PCSK6: variants seen among roughly 807,000 people sequenced by gnomAD.
PCSK6 encodes paired basic amino acid cleaving enzyme 4.
In PCSK6, 85 loss-of-function variants were observed where a neutral mutation model predicts 123.3. The ratio of observed to expected loss-of-function variants is 0.69; its 90% CI spans 0.58 to 0.83. The LOEUF (loss-of-function observed/expected upper bound fraction) is 0.83, where lower values mean the gene tolerates loss of function less well. PCSK6 is among the 40% of genes least tolerant of loss of function. The pLI is 0.00. For missense variants in PCSK6, 1,191 were observed against 1,282.3 expected, an observed-to-expected ratio of 0.93 and a Z score of 1.09; for synonymous variants, 508 against 516.0, an observed-to-expected ratio of 0.98 and a Z score of 0.21.
At chr15:101,450,067 G>A (rs924798972) in intron 1 of PCSK6, among the ~76,000 whole-genome samples, 37 of 152,076 alleles carry the variant, frequency 2.4e-4, no homozygotes, top group Non-Finnish European at 2.2e-4. Context: ...CTCCTGAGGC[G>A]TTCCTTGTCT....
intron 1 of PCSK6, among the ~76,000 whole-genome samples, chr15:101,484,717 A>T (rs767748529): frequency 1.8e-4 from 28 of 152,218 alleles, no homozygotes; most frequent in Non-Finnish European, 3.1e-4. Context: ...TAACGTTTAC[A>T]TGAATATGAT....
At position 101,468,119 on chromosome 15, in the gene PCSK6, T is replaced by G. The variant is rs547127321; in HGVS notation, c.297+21255A>C. Among the ~76,000 whole-genome samples, 21 of 152,336 alleles carry G rather than the reference T, an allele frequency of 1.4e-4. 2 individuals are homozygous for G. The South Asian group carries it at 1.5e-3, about 11-fold the overall frequency. On this transcript the variant is annotated intron_variant, in intron 1 of 21. Coordinates refer to ENST00000611716, the MANE Select transcript of PCSK6 (RefSeq NM_002570.5). ...TGGTGTCAGCTCTGGCTCTGCCATTTCTAATTGGGTTAAGTCATCTGAATG... is the reference window on the plus strand; with the variant it reads ...TGGTGTCAGCTCTGGCTCTGCCATTGCTAATTGGGTTAAGTCATCTGAATG...
At chr15:101,405,891 C>T (rs1426428792) in intron 6 of PCSK6, among the ~76,000 whole-genome samples, 1 of 152,118 alleles carries the variant, frequency 6.6e-6, no homozygotes, top group African/African-American at 2.4e-5. Flanking sequence ...TACAGGCACA[C>T]ACCACCACGC....
rs147999794 is a variant in PCSK6, at chr15:101,387,875, A to G, written c.1310+1589T>C. Among the ~76,000 whole-genome samples the G allele has an allele frequency of 9.7e-4, 148 of 152,370 alleles. 1 individual carries two copies. The highest frequency in any genetic ancestry group is 3.4e-3 in the African/African-American group (140 of 41,598). On this transcript the variant is annotated intron_variant, in intron 9 of 21. Coordinates refer to ENST00000611716, the MANE Select transcript of PCSK6 (RefSeq NM_002570.5). The stretch of plus-strand genomic sequence containing the variant: ...AACACAGGTTTTCAAATTCCCAGAC[A>G]TCAACCGTTCCTTCCTTGACCAATC...
intron 1 of PCSK6, among the ~76,000 whole-genome samples, chr15:101,474,365 T>C (rs1044025171): frequency 2.0e-5 from 3 of 152,218 alleles, no homozygotes; most frequent in African/African-American, 7.2e-5. Context: ...CACAGGCCTC[T>C]GCTGTGACCC....
intron 13 of PCSK6, among the ~76,000 whole-genome samples, chr15:101,336,138 G>C (rs2040471784): frequency 6.6e-6 from 1 of 152,226 alleles, no homozygotes; most frequent in African/African-American, 2.4e-5. Context: ...GAGGTGAGCA[G>C]AGCAAGGGCC....
At chr15:101,460,614 A>G (rs991994829) in intron 1 of PCSK6, among the ~76,000 whole-genome samples, 2 of 152,328 alleles carry the variant, frequency 1.3e-5, no homozygotes. Context: ...CTAGAGACAC[A>G]CAACGTTTTC....
At chr15:101,309,479 C>T (rs2039802977) in intron 20 of PCSK6, among the ~76,000 whole-genome samples, 1 of 152,234 alleles carries the variant, frequency 6.6e-6, no homozygotes, top group Non-Finnish European at 1.5e-5. Context: ...AACACCATGG[C>T]CGCTTTGCCC....
Position 101,305,149 on chromosome 15 carries a change from T to C in PCSK6, c.*109A>G. 1 of 878,120 alleles carries C rather than the reference T, an allele frequency of 1.1e-6. No homozygotes were observed. Among genetic ancestry groups the C allele is most frequent in the South Asian group, 1.5e-5 (1 of 67,184 alleles). 54.4% of individuals were successfully genotyped at this position (878,120 alleles called of 1,614,324 possible). On this transcript the variant is annotated 3_prime_UTR_variant, in exon 22 of 22. Coordinates refer to ENST00000611716, the MANE Select transcript of PCSK6 (RefSeq NM_002570.5). This position sits in a 1 kb window ranked among gnomAD's most constrained non-coding sequence, Gnocchi z 4.8. ...GATGCTGCTCCTGGGGAGATAAAGC[T>C]GTCAGGTGCAGGGCGCCGCTCCTGA...
intron 18 of PCSK6, among the ~76,000 whole-genome samples, chr15:101,322,311 T>C (rs1407750177): frequency 6.6e-6 from 1 of 152,174 alleles, no homozygotes; most frequent in East Asian, 1.9e-4. Context: ...AATTCGCCCA[T>C]GTTGTGTAAA....
intron 13 of PCSK6, chr15:101,346,889 C>T (rs766514787): frequency 4.5e-5 from 56 of 1,231,474 alleles, no homozygotes; most frequent in East Asian, 6.3e-5. Context: ...CATTTCTCCC[C>T]GAGATAAGTG....
At chr15:101,464,645 C>T (rs1204263485) in intron 1 of PCSK6, among the ~76,000 whole-genome samples, 3 of 152,152 alleles carry the variant, frequency 2.0e-5, no homozygotes, top group Non-Finnish European at 4.4e-5. Context: ...AATGTAGCTG[C>T]TGCTGGTCTG....
intron 13 of PCSK6, among the ~76,000 whole-genome samples, chr15:101,344,224 T>G (rs1468068461): frequency 1.3e-5 from 2 of 152,244 alleles, no homozygotes; most frequent in Non-Finnish European, 1.5e-5. Context: ...ATCAAATATA[T>G]CCGAGGTATG....
intron 13 of PCSK6, among the ~76,000 whole-genome samples, chr15:101,333,934 C>T (rs979960190): frequency 6.6e-6 from 1 of 152,222 alleles, no homozygotes; most frequent in East Asian, 1.9e-4. Flanking sequence ...TGGCTAAGTA[C>T]TAGGTTGCAA....
At chr15:101,338,260 G>T (rs2040527737) in intron 13 of PCSK6, among the ~76,000 whole-genome samples, 1 of 152,190 alleles carries the variant, frequency 6.6e-6, no homozygotes, top group Non-Finnish European at 1.5e-5. Flanking sequence ...GCTTATGGGT[G>T]ACTTAGGATA....
At chr15:101,346,844 T>C in intron 13 of PCSK6, 2 of 1,231,724 alleles carry the variant, frequency 1.6e-6, no homozygotes, top group Non-Finnish European at 2.0e-6. Context: ...TAAACAATAC[T>C]GTGATTCATA....
intron 1 of PCSK6, among the ~76,000 whole-genome samples, chr15:101,446,212 C>T (rs1205629039): frequency 2.6e-5 from 4 of 152,260 alleles, no homozygotes; most frequent in Non-Finnish European, 5.9e-5. Flanking sequence ...CAAGGCTGCC[C>T]TTGCAAAGCC....
At chr15:101,310,918 G>T (rs554547622) in intron 20 of PCSK6, among the ~76,000 whole-genome samples, 1 of 152,148 alleles carries the variant, frequency 6.6e-6, no homozygotes, top group South Asian at 2.1e-4. Flanking sequence ...TCAGACGGAA[G>T]CCCCCCGATA....
intron 1 of PCSK6, among the ~76,000 whole-genome samples, chr15:101,470,641 G>A (rs985412491): frequency 8.5e-5 from 13 of 152,124 alleles, no homozygotes; most frequent in Non-Finnish European, 1.8e-4. Context: ...TAGCTCCTTA[G>A]AATAATGCTT....
Sources: allele counts gnomAD v4.1 joint callset (sites outside exome capture counted in the v4.1 genomes callset), GRCh38; gene constraint gnomAD v4.1.1; non-coding constraint Gnocchi (gnomAD v3.1); transcripts MANE v1.5; gene names NCBI Gene and HGNC (gene_info 2026-07-23, HGNC 2026-07-21).